FGF12: variants seen among roughly 807,000 people sequenced by gnomAD.
FGF12 encodes the protein fibroblast growth factor 12.
In FGF12, 14 loss-of-function variants were observed where a neutral mutation model predicts 23.6. The observed-to-expected ratio is 0.59, with a 90% confidence interval of 0.39 to 0.93. The LOEUF (loss-of-function observed/expected upper bound fraction) is 0.93. Ranked by LOEUF, FGF12 falls within the 40% of genes least tolerant of loss-of-function variation. The pLI is 0.00. For synonymous variants in FGF12, 62 were observed against 77.3 expected (o/e 0.80, Z 1.04); for missense variants, 175 against 217.8 (o/e 0.80, Z 1.24).
intron 2 of FGF12, among the ~76,000 whole-genome samples, chr3:192,439,967 C>A (rs191727226): frequency 2.1e-5 from 3 of 140,068 alleles, no homozygotes; most frequent in Admixed American, 7.0e-5. Context: ...CAGAGCAAGA[C>A]TCCATATGGA....
intron 2 of FGF12, among the ~76,000 whole-genome samples, chr3:192,663,800 AT>A (rs1181922232): frequency 6.6e-6 from 1 of 152,014 alleles, no homozygotes; most frequent in Non-Finnish European, 1.5e-5. Context: ...AAAAAAAAAA[AT>A]CTCCCAGCTT....
chr3:192,268,344 G>A (rs1310036030), intron 4 of FGF12, among the ~76,000 whole-genome samples: 2 of 152,174 alleles, frequency 1.3e-5, no homozygotes, highest in Non-Finnish European at 2.9e-5. Context: ...CAGAACTCTA[G>A]ATGTGGGTTT....
At chr3:192,319,854 C>A (rs1209795563) in intron 4 of FGF12, among the ~76,000 whole-genome samples, 1 of 151,070 alleles carries the variant, frequency 6.6e-6, no homozygotes, top group East Asian at 1.9e-4. Flanking sequence ...CAGATACACA[C>A]AAAAAAATAG....
At chr3:192,587,856 T>C (rs1410299109) in intron 2 of FGF12, among the ~76,000 whole-genome samples, 1 of 151,730 alleles carries the variant, frequency 6.6e-6, no homozygotes, top group East Asian at 1.9e-4. Context: ...AATCTGAAAA[T>C]GTGAGGAAAA....
intron 2 of FGF12, among the ~76,000 whole-genome samples, chr3:192,446,753 C>A (rs1344825375): frequency 6.6e-6 from 1 of 152,164 alleles, no homozygotes; most frequent in Admixed American, 6.5e-5. Flanking sequence ...AACTCGCATC[C>A]AAGGCAAACA....
intron 2 of FGF12, among the ~76,000 whole-genome samples, chr3:192,640,791 TTTTTTTTG>T (rs1003710311): frequency 2.8e-4 from 28 of 101,402 alleles, no homozygotes; most frequent in African/African-American, 5.3e-4. Flanking sequence ...TTAAAACCCC[TTTTTTTTG>T]TTTGTTTGTT....
intron 4 of FGF12, among the ~76,000 whole-genome samples, chr3:192,316,822 C>T (rs1716250311): frequency 1.3e-5 from 2 of 152,168 alleles, no homozygotes; most frequent in African/African-American, 4.8e-5. Context: ...CAGCTAGCAG[C>T]TACGGGAGAG....
At chr3:192,569,228 G>T (rs1712480364) in intron 2 of FGF12, among the ~76,000 whole-genome samples, 1 of 152,334 alleles carries the variant, frequency 6.6e-6, no homozygotes, top group Middle Eastern at 3.4e-3. Flanking sequence ...AGCCTTTGTG[G>T]TAGAATGTCA....
intron 2 of FGF12, among the ~76,000 whole-genome samples, chr3:192,434,844 A>T (rs1209095728): frequency 2.6e-5 from 4 of 152,094 alleles, no homozygotes; most frequent in Non-Finnish European, 5.9e-5. Flanking sequence ...AAAAAAAACA[A>T]GAAAGATAAT....
intron 2 of FGF12, among the ~76,000 whole-genome samples, chr3:192,639,193 TA>T (rs1420978595): frequency 6.6e-6 from 1 of 152,104 alleles, no homozygotes; most frequent in East Asian, 1.9e-4. Context: ...AATAGGTATA[TA>T]AAAAGGTGCT....
chr3:192,727,248 G>A lies in FGF12; in HGVS notation c.-55C>T. The A allele has an allele frequency of 6.4e-7, 1 of 1,561,438 alleles. No homozygotes were observed. Among genetic ancestry groups the A allele is most frequent in the South Asian group, 1.2e-5 (1 of 84,420 alleles). ...AATGGAAGTTGGCCGGAAGATGTGG[G>A]CCCGCTTCAGATTCCCAAATCTGGG... On this transcript the variant is annotated 5_prime_UTR_variant, in exon 2 of 6. Coordinates refer to ENST00000445105, the MANE Select transcript of FGF12 (RefSeq NM_004113.6).
chr3:192,205,971 A>G (rs1717629852), intron 4 of FGF12, among the ~76,000 whole-genome samples: 1 of 152,220 alleles, frequency 6.6e-6, no homozygotes, highest in African/African-American at 2.4e-5. Flanking sequence ...TGGGGTAATC[A>G]GAGACACAGC....
Position 192,594,425 on chromosome 3 carries a change from C to T in FGF12, c.13+132756G>A, listed in dbSNP as rs78673870. On this transcript the variant is annotated intron_variant, in intron 2 of 5. Coordinates refer to ENST00000445105, the MANE Select transcript of FGF12 (RefSeq NM_004113.6). ...CACTTGCTTGTTAAGAAAAAATCAC[C>T]CAGGCCTTGGAAATAAGACAAAAAT... Among the ~76,000 whole-genome samples the T allele has an allele frequency of 6.4e-3, 975 of 151,852 alleles. 17 individuals are homozygous for T. The highest frequency in any genetic ancestry group is 0.022 in the African/African-American group (929 of 41,476).
chr3:192,283,833 T>C lies in FGF12; in HGVS notation c.228+51528A>G, dbSNP rs182068216. On this transcript the variant is annotated intron_variant, in intron 4 of 5. Transcript: ENST00000445105. ...CACTGCCTGAATAGTGACAAAGAATTCCTCTCCTATTTCCACGTGGTCAGC... is the reference window on the plus strand; with the variant it reads ...CACTGCCTGAATAGTGACAAAGAATCCCTCTCCTATTTCCACGTGGTCAGC... 3.4e-4 allele frequency among the ~76,000 whole-genome samples: 51 copies of C among 152,106 alleles called. No homozygotes were observed. In the East Asian group the frequency reaches 7.4e-3, roughly 22 times the overall value.
chr3:192,430,653 C>G (rs1721835458), intron 2 of FGF12, among the ~76,000 whole-genome samples: 2 of 152,120 alleles, frequency 1.3e-5, no homozygotes, highest in Admixed American at 6.5e-5. Flanking sequence ...AAGTAATAAT[C>G]AAGTTGGCTA....
chr3:192,506,181 C>T (rs1347188115), intron 2 of FGF12, among the ~76,000 whole-genome samples: 1 of 152,186 alleles, frequency 6.6e-6, no homozygotes, highest in African/African-American at 2.4e-5. Flanking sequence ...TGATATCAAT[C>T]TCTTGTCCAA....
At chr3:192,524,717 T>C (rs866627082) in intron 2 of FGF12, among the ~76,000 whole-genome samples, 6 of 152,246 alleles carry the variant, frequency 3.9e-5, no homozygotes, top group Admixed American at 6.5e-5. Flanking sequence ...AAAAGGCACA[T>C]GTGGAATTTT....
At chr3:192,591,967 A>T (rs1258800293) in intron 2 of FGF12, among the ~76,000 whole-genome samples, 1 of 151,778 alleles carries the variant, frequency 6.6e-6, no homozygotes, top group Admixed American at 6.6e-5. Flanking sequence ...AGAAAAAAAA[A>T]TTATAAGAAA....
At chr3:192,342,368 T>C (rs1355966792) in intron 3 of FGF12, among the ~76,000 whole-genome samples, 1 of 152,132 alleles carries the variant, frequency 6.6e-6, no homozygotes, top group Non-Finnish European at 1.5e-5. Context: ...AATCATGGGA[T>C]GCATAGGCCT....
Sources: gnomAD v4.1 joint callset for allele counts (sites outside exome capture counted in the v4.1 genomes callset) on GRCh38, gnomAD v4.1.1 for gene constraint, MANE v1.5 for transcripts, NCBI Gene and HGNC (gene_info 2026-07-23, HGNC 2026-07-21) for gene names.